The following ST18 variants were observed in gnomAD, a reference collection of about 807,000 sequenced individuals.
The protein encoded by ST18 is ST18 C2H2C-type zinc finger transcription factor.
In ST18, 50 loss-of-function variants were observed where a neutral mutation model predicts 110.0. The observed-to-expected ratio is 0.45, with a 90% CI of 0.36 to 0.58. The LOEUF (loss-of-function observed/expected upper bound fraction) is 0.58. ST18 is among the 20% of genes least tolerant of loss of function. The probability of loss-of-function intolerance (pLI) is 0.00; values close to 1 mark genes in which losing one functional copy is unlikely to be tolerated. For synonymous variants in ST18, 461 were observed against 452.4 expected (o/e 1.02, Z -0.24); for missense variants, 1,306 against 1,280.1 (o/e 1.02, Z -0.31).
intron 2 of ST18, among the ~76,000 whole-genome samples, chr8:52,328,448 C>G (rs1032004070): frequency 6.6e-6 from 1 of 152,144 alleles, no homozygotes; most frequent in Non-Finnish European, 1.5e-5. Flanking sequence ...ATAATAATAA[C>G]TAGCATTTAT....
At chr8:52,371,483 A>G (rs1397676498) in intron 2 of ST18, among the ~76,000 whole-genome samples, 4 of 152,244 alleles carry the variant, frequency 2.6e-5, no homozygotes, top group African/African-American at 9.6e-5. Flanking sequence ...CATATTGTGT[A>G]TGATTGAAAA....
intron 2 of ST18, among the ~76,000 whole-genome samples, chr8:52,291,020 G>A (rs1291628360): frequency 2.6e-5 from 4 of 152,082 alleles, no homozygotes; most frequent in South Asian, 2.1e-4. Context: ...ACATCACCCC[G>A]CAGTCACCCC....
intron 2 of ST18, among the ~76,000 whole-genome samples, chr8:52,353,307 G>C (rs1564558531): frequency 6.6e-6 from 1 of 152,158 alleles, no homozygotes; most frequent in Non-Finnish European, 1.5e-5. Context: ...ATCTTTCTTA[G>C]ATGGCTCACT....
intron 8 of ST18, among the ~76,000 whole-genome samples, chr8:52,211,166 TC>T (rs1029683568): frequency 3.4e-4 from 51 of 152,204 alleles, no homozygotes; most frequent in African/African-American, 1.2e-3. Flanking sequence ...AAATGTACTT[TC>T]TTTAACTATA....
At chr8:52,167,925 G>A (rs993916196) in intron 10 of ST18, among the ~76,000 whole-genome samples, 1 of 151,996 alleles carries the variant, frequency 6.6e-6, no homozygotes, top group African/African-American at 2.4e-5. Context: ...AACTTAAAAA[G>A]TTATATAAAT....
intron 2 of ST18, among the ~76,000 whole-genome samples, chr8:52,246,212 T>C (rs147382569): frequency 6.6e-6 from 1 of 152,040 alleles, no homozygotes; most frequent in African/African-American, 2.4e-5. Context: ...TAAAAATAAA[T>C]AAATTAAATA....
chr8:52,158,533 C>T (rs759803506), intron 15 of ST18, among the ~76,000 whole-genome samples: 12 of 152,318 alleles, frequency 7.9e-5, no homozygotes, highest in Non-Finnish European at 1.5e-4. Context: ...CACTGAAAAG[C>T]TTCCATTGTT....
rs930305663 is a variant in ST18 at position 52,250,233 on chromosome 8, C to T, written c.-464-20156G>A. On this transcript the variant is annotated intron_variant, in intron 2 of 25. Transcript: ENST00000689386. ...AAGGGGAGGAGGTCACTGGAGATTT[C>T]GCACACTAATTTAATCTGGGAAAAG... Among the ~76,000 whole-genome samples the T allele has an allele frequency of 7.9e-5, 12 of 151,758 alleles. No individual in the cohort carries two copies. The South Asian group carries it at 1.0e-3, about 13-fold the overall frequency.
chr8:52,285,505 C>T (rs1199253465), intron 2 of ST18, among the ~76,000 whole-genome samples: 1 of 152,188 alleles, frequency 6.6e-6, no homozygotes, highest in African/African-American at 2.4e-5. Context: ...AGATGCCAGG[C>T]TCTGACCCAG....
At chr8:52,303,698 T>A (rs2095767045) in intron 2 of ST18, among the ~76,000 whole-genome samples, 1 of 152,202 alleles carries the variant, frequency 6.6e-6, no homozygotes, top group African/African-American at 2.4e-5. Context: ...AAACTCAAAT[T>A]CATATGGACA....
intron 2 of ST18, among the ~76,000 whole-genome samples, chr8:52,403,166 A>T (rs1590753709): frequency 6.6e-6 from 1 of 152,036 alleles, no homozygotes; most frequent in Non-Finnish European, 1.5e-5. Flanking sequence ...GGGGGTATGG[A>T]GTTGCTGCAG....
intron 8 of ST18, 32 bp from the exon 9 acceptor site, chr8:52,180,344 T>C (rs951216534): frequency 3.7e-6 from 6 of 1,608,248 alleles, no homozygotes. Flanking sequence ...AAGAATATGG[T>C]AAATTAGCAT....
At chr8:52,196,180 T>G (rs1588200082) in intron 8 of ST18, among the ~76,000 whole-genome samples, 2 of 152,284 alleles carry the variant, frequency 1.3e-5, no homozygotes, top group East Asian at 3.9e-4. Context: ...TGCCCTTGTC[T>G]CTCCCCTTCT....
intron 8 of ST18, 133 bp downstream of exon 8, chr8:52,211,946 A>G: frequency 1.2e-6 from 1 of 852,158 alleles, no homozygotes; most frequent in South Asian, 1.5e-5. Flanking sequence ...TGCATACACA[A>G]CGTCTGGATG....
At chr8:52,264,231 C>T (rs749362638) in intron 2 of ST18, among the ~76,000 whole-genome samples, 1 of 152,144 alleles carries the variant, frequency 6.6e-6, no homozygotes, top group African/African-American at 2.4e-5. Context: ...AATTCTTGAA[C>T]ATTAAGTAAT....
intron 2 of ST18, among the ~76,000 whole-genome samples, chr8:52,345,597 CTCCAACCCAGCTCT>C (rs1190513994): frequency 2.0e-5 from 3 of 152,208 alleles, no homozygotes; most frequent in Non-Finnish European, 4.4e-5. Flanking sequence ...CTGCCTTCAT[CTCCAACCCAGCTCT>C]TCCAACCACG....
chr8:52,150,767 T>C (rs2058617603), intron 15 of ST18: 1 of 152,392 alleles, frequency 6.6e-6, no homozygotes, highest in Middle Eastern at 3.4e-3. Flanking sequence ...CAATATTTCT[T>C]CTTGAGATAC....
At chr8:52,157,613 C>T (rs2060355540) in intron 15 of ST18, among the ~76,000 whole-genome samples, 1 of 152,184 alleles carries the variant, frequency 6.6e-6, no homozygotes, top group Non-Finnish European at 1.5e-5. Context: ...ATTTGGATCG[C>T]CTGGTATACA....
chr8:52,209,333 A>G (rs1170874282), intron 8 of ST18, among the ~76,000 whole-genome samples: 1 of 152,182 alleles, frequency 6.6e-6, no homozygotes, highest in African/African-American at 2.4e-5. Context: ...GCCTTGGGCT[A>G]TTTCCATAAA....
Sources: allele counts gnomAD v4.1 joint callset (sites outside exome capture counted in the v4.1 genomes callset), GRCh38; gene constraint gnomAD v4.1.1; transcripts MANE v1.5; gene names NCBI Gene and HGNC (gene_info 2026-07-23, HGNC 2026-07-21).